TRABD2B: variants seen among roughly 807,000 people sequenced by gnomAD.
The protein encoded by TRABD2B is metalloprotease TIKI2.
Under a neutral mutation model 40.1 loss-of-function variants are expected in TRABD2B, and 14 were observed. The observed-to-expected ratio is 0.35, with a 90% CI of 0.23 to 0.55. The LOEUF (loss-of-function observed/expected upper bound fraction) is 0.55, where lower values mean the gene tolerates loss of function less well. Ranked by LOEUF, TRABD2B falls within the 20% of genes least tolerant of loss-of-function variation. The pLI is 0.90. For missense variants in TRABD2B, 541 were observed against 648.6 expected (o/e 0.83, Z 1.80); for synonymous variants, 263 against 277.0 (o/e 0.95, Z 0.50).
intron 3 of TRABD2B, among the ~76,000 whole-genome samples, chr1:47,800,954 T>A (rs1644815434): frequency 6.6e-6 from 1 of 152,094 alleles, no homozygotes; most frequent in South Asian, 2.1e-4. Flanking sequence ...GGAGGAAGCA[T>A]CTTGGAATTC....
At chr1:47,968,502 T>C (rs1005211832) in intron 2 of TRABD2B, among the ~76,000 whole-genome samples, 2 of 152,134 alleles carry the variant, frequency 1.3e-5, no homozygotes, top group Non-Finnish European at 2.9e-5. Flanking sequence ...TCCAGAGTCA[T>C]TCATCTTGGG....
chr1:47,965,449 C>T (rs930513631), intron 2 of TRABD2B, among the ~76,000 whole-genome samples: 2 of 152,018 alleles, frequency 1.3e-5, no homozygotes, highest in Admixed American at 1.3e-4. Context: ...TGGATGAAGC[C>T]CAGGCAGAGG....
intron 2 of TRABD2B, among the ~76,000 whole-genome samples, chr1:47,948,209 T>G (rs905875445): frequency 1.2e-4 from 18 of 152,132 alleles, no homozygotes; most frequent in Non-Finnish European, 2.4e-4. Flanking sequence ...GACTTGGGCA[T>G]GTAGGCAAAG....
At chr1:47,805,135 G>C (rs954181361) in intron 2 of TRABD2B, among the ~76,000 whole-genome samples, 1 of 152,158 alleles carries the variant, frequency 6.6e-6, no homozygotes, top group African/African-American at 2.4e-5. Flanking sequence ...TGTGGGCAGA[G>C]TGGACTCAAC....
intron 2 of TRABD2B, among the ~76,000 whole-genome samples, chr1:47,869,217 A>G (rs1644105776): frequency 6.6e-6 from 1 of 152,250 alleles, no homozygotes; most frequent in Admixed American, 6.5e-5. Context: ...ACATATATAC[A>G]AAACCATTCA....
At chr1:47,942,507 G>A (rs1223382574) in intron 2 of TRABD2B, among the ~76,000 whole-genome samples, 2 of 152,134 alleles carry the variant, frequency 1.3e-5, no homozygotes, top group Non-Finnish European at 2.9e-5. Context: ...TCCTCTGCAT[G>A]ACTCAAAGGA....
intron 2 of TRABD2B, among the ~76,000 whole-genome samples, chr1:47,909,729 G>T (rs1644732113): frequency 6.8e-6 from 1 of 146,450 alleles, no homozygotes; most frequent in Non-Finnish European, 1.5e-5. Context: ...CTCCCACCAG[G>T]CTCCATCTCA....
Position 47,990,771 on chromosome 1 carries a change from TTATATATATATATATATATATATATATA to T in TRABD2B, c.666+3235_666+3262del, listed in dbSNP as rs55649435. ...AGTTGTTGGTTTTAAAACGTTGGTT[TTATATATATATATATATATATATATATA>T]TATATATATATATATATATATATAT... is the stretch of plus-strand genomic sequence containing the variant. On this transcript the variant is annotated intron_variant, in intron 2 of 6. Transcript: ENST00000606738. 1.9e-3 allele frequency among the ~76,000 whole-genome samples: 70 copies of T among 36,570 alleles called. 1 individual carries two copies. The highest frequency in any genetic ancestry group is 7.9e-3 in the South Asian group (7 of 888). 24.0% of individuals were successfully genotyped at this position (36,570 alleles called of 152,430 possible). A position where few individuals can be genotyped will look rare whatever the true frequency, so the allele number is the denominator to read the frequency against.
intron 2 of TRABD2B, among the ~76,000 whole-genome samples, chr1:47,964,868 C>CT (rs987651714): frequency 6.6e-6 from 1 of 151,972 alleles, no homozygotes; most frequent in African/African-American, 2.4e-5. Flanking sequence ...TCAGAGACCC[C>CT]TTGGAAGCCC....
chr1:47,878,601 C>G (rs904542077), intron 2 of TRABD2B, among the ~76,000 whole-genome samples: 1 of 152,166 alleles, frequency 6.6e-6, no homozygotes. Context: ...ATTTATATGA[C>G]ACTACTACAT....
intron 2 of TRABD2B, among the ~76,000 whole-genome samples, chr1:47,992,600 C>A (rs936908385): frequency 1.3e-5 from 2 of 152,218 alleles, no homozygotes; most frequent in African/African-American, 4.8e-5. Flanking sequence ...CACAAACCTG[C>A]CTCCGAAATG....
At chr1:47,794,537 A>G (rs1190034115) in intron 4 of TRABD2B, 49 bp downstream of exon 4, 3 of 1,471,932 alleles carry the variant, frequency 2.0e-6, no homozygotes, top group African/African-American at 2.8e-5. Flanking sequence ...AGAGCCAAGC[A>G]AATCTCCCAG....
intron 2 of TRABD2B, among the ~76,000 whole-genome samples, chr1:47,953,952 C>T (rs1645382467): frequency 6.6e-6 from 1 of 152,156 alleles, no homozygotes; most frequent in African/African-American, 2.4e-5. Context: ...GTCTGAGTGG[C>T]CGACTCTTTT....
chr1:47,772,199 T>C (rs1297319704), intron 6 of TRABD2B, among the ~76,000 whole-genome samples: 1 of 152,074 alleles, frequency 6.6e-6, no homozygotes, highest in Admixed American at 6.5e-5. Flanking sequence ...CTGCTGAGTC[T>C]GTTTCCTCTG....
intron 2 of TRABD2B, among the ~76,000 whole-genome samples, chr1:47,916,932 TAC>T (rs1644837784): frequency 6.6e-6 from 1 of 152,280 alleles, no homozygotes; most frequent in African/African-American, 2.4e-5. Context: ...CAAAGCACTG[TAC>T]ACAGTTTAAC....
At position 47,837,314 on chromosome 1, in the gene TRABD2B, C is replaced by T. The variant is rs113905189; in HGVS notation, c.667-35695G>A. Among the ~76,000 whole-genome samples the T allele has an allele frequency of 9.1e-4, 138 of 152,306 alleles. 4 individuals are homozygous for T. The highest frequency in any genetic ancestry group is 3.2e-3 in the African/African-American group (132 of 41,562). On this transcript the variant is annotated intron_variant, in intron 2 of 6. Coordinates refer to ENST00000606738, the MANE Select transcript of TRABD2B (RefSeq NM_001194986.2). The stretch of plus-strand genomic sequence containing the variant: ...GATCTGCATTTTTCCCACATTAGGA[C>T]GTCTTGTTAAGAACGGGTTCTTGGC...
intron 2 of TRABD2B, among the ~76,000 whole-genome samples, chr1:47,893,904 A>C (rs1644482985): frequency 6.6e-6 from 1 of 152,100 alleles, no homozygotes; most frequent in Non-Finnish European, 1.5e-5. Context: ...GGAATCACCA[A>C]AAAGCGATTT....
In TRABD2B at chr1:47,763,904, AC is replaced by A. The variant is rs1005327652; in HGVS notation, c.*1997del. The A allele has an allele frequency of 2.6e-5, 4 of 152,266 alleles. No individual in the cohort carries two copies. The highest frequency in any genetic ancestry group is 9.6e-5 in the African/African-American group (4 of 41,472). The allele number at this position is 152,266 out of a possible 1,614,324, so 9.4% of individuals were successfully genotyped here. A position where few individuals can be genotyped will look rare whatever the true frequency, so the allele number is the denominator to read the frequency against. On this transcript the variant is annotated 3_prime_UTR_variant, in exon 7 of 7. Coordinates refer to ENST00000606738, the MANE Select transcript of TRABD2B (RefSeq NM_001194986.2). Reference sequence around the variant, plus strand: ...GAAGTCACATTTTTGCCAAGGATAAACCAACTCCAGCCTGGATTGAGGTCAA... The same window carrying A: ...GAAGTCACATTTTTGCCAAGGATAAACAACTCCAGCCTGGATTGAGGTCAA...
chr1:47,807,313 T>A lies in TRABD2B; in HGVS notation c.667-5694A>T, dbSNP rs979978998. On this transcript the variant is annotated intron_variant, in intron 2 of 6. Transcript: ENST00000606738. Reference sequence around the variant, plus strand: ...ACCCCAGTGGAGGTGAGGAAGAGTGTTTCTGGAATGCAGGAGACCTTTTAG... The same window carrying A: ...ACCCCAGTGGAGGTGAGGAAGAGTGATTCTGGAATGCAGGAGACCTTTTAG... Among the ~76,000 whole-genome samples, 3 of 152,262 alleles carry A rather than the reference T, an allele frequency of 2.0e-5. No individual in the cohort carries two copies. In the South Asian group the frequency reaches 6.2e-4, roughly 32 times the overall value.
Sources: gnomAD v4.1 joint callset for allele counts (sites outside exome capture counted in the v4.1 genomes callset) on GRCh38, gnomAD v4.1.1 for gene constraint, MANE v1.5 for transcripts, NCBI Gene and HGNC (gene_info 2026-07-23, HGNC 2026-07-21) for gene names.